The following OSBP2 variants were observed in gnomAD, a reference collection of about 807,000 sequenced individuals.
OSBP2 encodes the protein oxysterol binding protein 2.
OSBP2 carries 66 observed loss-of-function variants against 96.0 expected under a neutral mutation model. That is an observed-to-expected ratio of 0.69 (90% CI 0.56 to 0.84). OSBP2 has a LOEUF of 0.84. OSBP2 is among the 40% of genes least tolerant of loss of function. The pLI, the probability that OSBP2 is intolerant of heterozygous loss-of-function variation, is 0.00. For missense variants in OSBP2, 1,038 were observed against 1,222.7 expected (o/e 0.85, Z 2.25); for synonymous variants, 525 against 520.9 (o/e 1.01, Z -0.11).
chr22:30,806,680 G>C (rs973643222), intron 2 of OSBP2, among the ~76,000 whole-genome samples: 3 of 152,152 alleles, frequency 2.0e-5, no homozygotes, highest in Non-Finnish European at 2.9e-5. Context: ...CTGCTCCTCA[G>C]TGCCTCTGTG....
intron 12 of OSBP2, chr22:30,902,912 T>A (rs1161545735): frequency 4.0e-6 from 1 of 248,868 alleles, no homozygotes; most frequent in Non-Finnish European, 8.4e-6. Flanking sequence ...AAACACAGCT[T>A]GTTGTGAGTG....
intron 1 of OSBP2, among the ~76,000 whole-genome samples, chr22:30,701,095 CAAAAAA>C (rs61586620): frequency 2.8e-5 from 3 of 106,916 alleles, no homozygotes; most frequent in Non-Finnish European, 5.9e-5. Flanking sequence ...AACTACGTCT[CAAAAAA>C]AAAAAAAAAA....
intron 2 of OSBP2, among the ~76,000 whole-genome samples, chr22:30,839,310 T>A (rs202139497): frequency 7.4e-6 from 1 of 135,772 alleles, no homozygotes; most frequent in African/African-American, 3.0e-5. Context: ...AATAAACATA[T>A]GTGTGCATGT....
At chr22:30,886,780 T>TA (rs1181412081) in intron 3 of OSBP2, among the ~76,000 whole-genome samples, 15 of 152,128 alleles carry the variant, frequency 9.9e-5, no homozygotes, top group South Asian at 4.2e-4. Context: ...TTGGGCAAGA[T>TA]AAAAAATATC....
intron 2 of OSBP2, among the ~76,000 whole-genome samples, chr22:30,825,934 G>C (rs1368604083): frequency 6.6e-6 from 1 of 152,146 alleles, no homozygotes; most frequent in African/African-American, 2.4e-5. Flanking sequence ...AGGGGATCAG[G>C]GTGATGGCAG....
intron 2 of OSBP2, among the ~76,000 whole-genome samples, chr22:30,801,352 A>G (rs527978142): frequency 3.3e-5 from 5 of 152,230 alleles, no homozygotes; most frequent in African/African-American, 1.2e-4. Context: ...AAGGTACCAT[A>G]TGTGGCATGT....
chr22:30,761,413 A>G (rs2090203341), intron 2 of OSBP2, among the ~76,000 whole-genome samples: 1 of 152,240 alleles, frequency 6.6e-6, no homozygotes, highest in African/African-American at 2.4e-5. Context: ...ATATGTAAAT[A>G]GTGTTAAATA....
At chr22:30,744,586 C>T (rs747438933) in intron 2 of OSBP2, among the ~76,000 whole-genome samples, 1 of 152,092 alleles carries the variant, frequency 6.6e-6, no homozygotes, top group Admixed American at 6.6e-5. Context: ...CATGGTGAAA[C>T]CCCATCTCTG....
chr22:30,760,130 A>C (rs2090188830), intron 2 of OSBP2, among the ~76,000 whole-genome samples: 1 of 150,336 alleles, frequency 6.7e-6, no homozygotes, highest in East Asian at 1.9e-4. Flanking sequence ...GGTCTCCCAA[A>C]GTGCTGGGAT....
chr22:30,720,525 G>C (rs1212788870), intron 1 of OSBP2, among the ~76,000 whole-genome samples: 3 of 152,252 alleles, frequency 2.0e-5, no homozygotes, highest in Middle Eastern at 3.4e-3. Context: ...AGTTAGGCAG[G>C]AACTCCAGTG....
In OSBP2 at chr22:30,905,947, TGGAGAA is replaced by T; in HGVS notation, c.2489_2494del (p.Glu830_Lys831del). The T allele has an allele frequency of 6.2e-7, 1 of 1,612,140 alleles. No individual in the cohort carries two copies. Among genetic ancestry groups the T allele is most frequent in the East Asian group, 2.2e-5 (1 of 44,832 alleles). ...CGCCTGCGGCCCGACCAGCGGCTGA[TGGAGAA>T]GGGCCGTTGGGACGAGGCCAATACC... On this transcript the variant is annotated inframe_deletion, in exon 13 of 14. Transcript: ENST00000332585.
At chr22:30,749,269 A>G (rs2145752778) in intron 2 of OSBP2, among the ~76,000 whole-genome samples, 1 of 152,220 alleles carries the variant, frequency 6.6e-6, no homozygotes, top group East Asian at 1.9e-4. Context: ...ATCAAAACCT[A>G]CTCTTAAACT....
chr22:30,798,203 A>T (rs943865170), intron 2 of OSBP2, among the ~76,000 whole-genome samples: 1 of 152,142 alleles, frequency 6.6e-6, no homozygotes, highest in Non-Finnish European at 1.5e-5. Flanking sequence ...GCATCTTTTC[A>T]TGTACGTATT....
chr22:30,842,696 C>T (rs2038777226), intron 2 of OSBP2: 1 of 157,672 alleles, frequency 6.3e-6, no homozygotes, highest in Non-Finnish European at 1.4e-5. Flanking sequence ...TCTCAAGAAA[C>T]CACTCTGCTC....
chr22:30,859,648 A>G (rs886867241), intron 2 of OSBP2, among the ~76,000 whole-genome samples: 1 of 152,214 alleles, frequency 6.6e-6, no homozygotes, highest in Non-Finnish European at 1.5e-5. Flanking sequence ...AGCTGGTGCC[A>G]TGGGAGGACA....
chr22:30,868,020 A>T (rs1469710059), intron 2 of OSBP2, among the ~76,000 whole-genome samples: 1 of 152,232 alleles, frequency 6.6e-6, no homozygotes, highest in Non-Finnish European at 1.5e-5. Flanking sequence ...AAAGCCAGAG[A>T]CCTGGCTACT....
At chr22:30,705,216 G>A (rs2089232641) in intron 1 of OSBP2, among the ~76,000 whole-genome samples, 1 of 152,116 alleles carries the variant, frequency 6.6e-6, no homozygotes. Context: ...AAGGTCATCT[G>A]GCGGCTTGGT....
At chr22:30,839,805 T>C (rs2038710961) in intron 2 of OSBP2, among the ~76,000 whole-genome samples, 1 of 152,034 alleles carries the variant, frequency 6.6e-6, no homozygotes, top group African/African-American at 2.4e-5. Context: ...CTGTACACTC[T>C]GATGGTAGTT....
Position 30,869,204 on chromosome 22 carries a change from AAG to A in OSBP2, c.854-1222_854-1221del, listed in dbSNP as rs2039409345. ...CTGGGCAGCTGCGTGAGAGAGAGGT[AAG>A]AGGGGGCGTGGGAGCTGGCAGAGGG... On this transcript the variant is annotated intron_variant, in intron 2 of 13. Transcript: ENST00000332585. 2.0e-5 allele frequency among the ~76,000 whole-genome samples: 3 copies of A among 152,286 alleles called. No homozygotes were observed. In the South Asian group the frequency reaches 6.2e-4, roughly 32 times the overall value.
Sources: gnomAD v4.1 joint callset for allele counts (sites outside exome capture counted in the v4.1 genomes callset) on GRCh38, gnomAD v4.1.1 for gene constraint, MANE v1.5 for transcripts, NCBI Gene and HGNC (gene_info 2026-07-23, HGNC 2026-07-21) for gene names.